Variants in CCDC13 observed in about 807,000 individuals in gnomAD.
CCDC13 encodes coiled-coil domain containing 13, also known as coiled-coil domain-containing protein 13.
CCDC13 carries 70 observed loss-of-function variants against 87.3 expected under a neutral mutation model. The observed-to-expected ratio is 0.80, with a 90% CI of 0.66 to 0.98. CCDC13 has a LOEUF of 0.98. Among genes scored for constraint, CCDC13 ranks in the 50% least tolerant of loss-of-function variants. CCDC13 has a pLI of 0.00. For missense variants in CCDC13, 842 were observed against 892.0 expected (o/e 0.94, Z 0.71); for synonymous variants, 317 against 360.3 (o/e 0.88, Z 1.36).
At chr3:42,750,621 C>T (rs1699551373) in intron 5 of CCDC13, among the ~76,000 whole-genome samples, 1 of 152,202 alleles carries the variant, frequency 6.6e-6, no homozygotes, top group Admixed American at 6.5e-5. Flanking sequence ...GCGTTCGCCA[C>T]CATGCCTGGC....
Position 42,708,979 on chromosome 3 carries a change from C to A in CCDC13, c.*1G>T, listed in dbSNP as rs751529017. 1 of 1,610,274 alleles carries A rather than the reference C, an allele frequency of 6.2e-7. No homozygotes were observed. Among genetic ancestry groups the A allele is most frequent in the Non-Finnish European group, 8.5e-7 (1 of 1,178,132 alleles). ...GGCCAGGCCGACACTGGGCTGTCAT[C>A]CTATTGCTTGCCTGTCTTCTGCTGC... On this transcript the variant is annotated 3_prime_UTR_variant, in exon 16 of 16. Transcript: ENST00000310232.
chr3:42,741,026 C>CACCCGCTATTGCAGCTTATGGTCAGCCCA (rs1699199869), intron 8 of CCDC13: 1 of 152,216 alleles, frequency 6.6e-6, no homozygotes, highest in Non-Finnish European at 1.5e-5. Flanking sequence ...TGTTTCCTTC[C>CACCCGCTATTGCAGCTTATGGTCAGCCCA]ACCCGCTATT....
chr3:42,733,053 C>A, intron 11 of CCDC13, 83 bp from the exon 12 acceptor site: 1 of 1,107,782 alleles, frequency 9.0e-7, no homozygotes, highest in Non-Finnish European at 1.3e-6. Context: ...TGAGGTGGAG[C>A]AGTGGCCAGC....
At chr3:42,749,568 C>T (rs1559655687) in intron 5 of CCDC13, among the ~76,000 whole-genome samples, 1 of 152,240 alleles carries the variant, frequency 6.6e-6, no homozygotes, top group Non-Finnish European at 1.5e-5. Flanking sequence ...GAGTGGGCAG[C>T]TGACAAGTGG....
intron 1 of CCDC13, among the ~76,000 whole-genome samples, chr3:42,760,317 T>C (rs1049353952): frequency 6.7e-6 from 1 of 148,180 alleles, no homozygotes; most frequent in Non-Finnish European, 1.5e-5. Context: ...AATAAATAAA[T>C]AAATAAATAA....
At chr3:42,723,802 A>G (rs1420203685) in intron 13 of CCDC13, among the ~76,000 whole-genome samples, 1 of 152,246 alleles carries the variant, frequency 6.6e-6, no homozygotes, top group Non-Finnish European at 1.5e-5. Context: ...CTAATAACCC[A>G]TCAATAGAAG....
At chr3:42,745,787 C>T (rs1032072182) in intron 7 of CCDC13, 136 bp downstream of exon 7, 3 of 590,772 alleles carry the variant, frequency 5.1e-6, no homozygotes, top group South Asian at 2.5e-5. Flanking sequence ...ACAACAACCC[C>T]GCACGAGTGC....
Position 42,733,498 on chromosome 3 carries a change from C to A in CCDC13, c.1483G>T (p.Asp495Tyr). ...GLTKSPASAG[D>Y]HVGRLGSSRS... Reference sequence around the variant, plus strand: ...GAAGATCCAAGCCTGCCAACATGATCGCCTGCTGAGGCCGGGGACTTGGTC... The same window carrying A: ...GAAGATCCAAGCCTGCCAACATGATAGCCTGCTGAGGCCGGGGACTTGGTC... The change falls in exon 11 of 16, where the codon GAT (aspartate) becomes TAT (tyrosine). Residue 495 changes from aspartate to tyrosine, a missense_variant. Coordinates refer to ENST00000310232, the MANE Select transcript of CCDC13 (RefSeq NM_144719.4). 2 of 1,614,148 alleles carry A rather than the reference C, an allele frequency of 1.2e-6. No homozygotes were observed. The highest frequency in any genetic ancestry group is 2.7e-5 in the African/African-American group (2 of 75,042).
In CCDC13 at chr3:42,744,775, AGCCTGGGT is replaced by A. The variant is rs2125897892; in HGVS notation, c.825+1140_825+1147del. Among the ~76,000 whole-genome samples, 4 of 141,250 alleles carry A rather than the reference AGCCTGGGT, an allele frequency of 2.8e-5. 1 individual carries two copies. The highest frequency in any genetic ancestry group is 3.8e-3 in the Middle Eastern group (1 of 264). The allele number at this position is 141,250 out of a possible 152,430, so 92.7% of individuals were successfully genotyped here. A position where few individuals can be genotyped will look rare whatever the true frequency, so the allele number is the denominator to read the frequency against. ...AGCCGAGATCGCACCACTGCACTCCAGCCTGGGTGATAGAGCGAGACTCCGTCTCAAAA... is the reference window on the plus strand; with the variant it reads ...AGCCGAGATCGCACCACTGCACTCCAGATAGAGCGAGACTCCGTCTCAAAA... On this transcript the variant is annotated intron_variant, in intron 7 of 15. Transcript: ENST00000310232.
intron 12 of CCDC13, among the ~76,000 whole-genome samples, 182 bp from the exon 13 acceptor site, chr3:42,730,771 T>C (rs988443271): frequency 6.6e-6 from 1 of 152,208 alleles, no homozygotes; most frequent in African/African-American, 2.4e-5. Flanking sequence ...TTCCTGGTCC[T>C]GCTGAAGTCC....
chr3:42,752,558 T>G lies in CCDC13; in HGVS notation c.513+17A>C. ...CTAGGAGTCCCCTCCAGAGGGAGAA[T>G]GACCAAGGCCCCTCACTTCCCGCTC... is the stretch of plus-strand genomic sequence containing the variant. On this transcript the variant is annotated intron_variant, in intron 4 of 15. Transcript: ENST00000310232. 3 of 1,614,004 alleles carry G rather than the reference T, an allele frequency of 1.9e-6. No homozygotes were observed. The highest frequency in any genetic ancestry group is 2.2e-5 in the South Asian group (2 of 91,076).
chr3:42,709,603 G>C (rs1698254798), intron 15 of CCDC13, 81 bp downstream of exon 15: 1 of 1,116,666 alleles, frequency 9.0e-7, no homozygotes, highest in Non-Finnish European at 1.4e-6. Context: ...AGTGCAAGGG[G>C]AGGGACACAG....
chr3:42,747,427 G>C, intron 5 of CCDC13, 54 bp from the exon 6 acceptor site: 2 of 1,161,602 alleles, frequency 1.7e-6, no homozygotes, highest in Non-Finnish European at 1.3e-6. Flanking sequence ...CATGGGAATA[G>C]TAATCATAGC....
chr3:42,733,251 C>T (rs570903783), intron 11 of CCDC13, among the ~76,000 whole-genome samples: 43 of 152,360 alleles, frequency 2.8e-4, no homozygotes, highest in African/African-American at 9.1e-4. Flanking sequence ...CAGAGAGCTG[C>T]AACCAGCATG....
chr3:42,768,027 T>C (rs1699968520), intron 1 of CCDC13, among the ~76,000 whole-genome samples: 2 of 150,502 alleles, frequency 1.3e-5, no homozygotes, highest in African/African-American at 2.4e-5. Context: ...CAGTGTGGTA[T>C]TGGTGAAGAA....
At chr3:42,756,946 G>A in intron 3 of CCDC13, 120 bp downstream of exon 3, 3 of 1,032,586 alleles carry the variant, frequency 2.9e-6, no homozygotes, top group Non-Finnish European at 2.9e-6. Flanking sequence ...CTCTGGACAA[G>A]CTTGATCACA....
intron 13 of CCDC13, among the ~76,000 whole-genome samples, chr3:42,727,839 G>T (rs1391553014): frequency 1.3e-5 from 2 of 151,950 alleles, no homozygotes; most frequent in East Asian, 3.9e-4. Flanking sequence ...AAAGAAGTAA[G>T]AGAAATAAAA....
chr3:42,722,733 C>T (rs550569050), intron 13 of CCDC13, among the ~76,000 whole-genome samples: 1 of 151,138 alleles, frequency 6.6e-6, no homozygotes, highest in African/African-American at 2.4e-5. Context: ...TAAAAATGGA[C>T]AACCAGCAGC....
chr3:42,753,141 ACAGATAAGGTG>A (rs1278610698), intron 3 of CCDC13, among the ~76,000 whole-genome samples: 1 of 152,208 alleles, frequency 6.6e-6, no homozygotes, highest in Non-Finnish European at 1.5e-5. Context: ...TAGCATGTTA[ACAGATAAGGTG>A]CAGATAAGGT....
Sources: gnomAD v4.1 joint callset for allele counts (sites outside exome capture counted in the v4.1 genomes callset) on GRCh38, gnomAD v4.1.1 for gene constraint, MANE v1.5 for transcripts, NCBI Gene and HGNC (gene_info 2026-07-23, HGNC 2026-07-21) for gene names.